The following PTPRG variants were observed in gnomAD, a reference collection of about 807,000 sequenced individuals.
PTPRG encodes protein tyrosine phosphatase receptor type G.
In PTPRG, 102 loss-of-function variants were observed where a neutral mutation model predicts 165.3. The ratio of observed to expected loss-of-function variants is 0.62; its 90% CI spans 0.53 to 0.73. The LOEUF (loss-of-function observed/expected upper bound fraction) is 0.73, where lower values mean the gene tolerates loss of function less well. Among genes scored for constraint, PTPRG ranks in the 30% least tolerant of loss-of-function variants. The probability of loss-of-function intolerance (pLI) is 0.00; values close to 1 mark genes in which losing one functional copy is unlikely to be tolerated. For synonymous variants in PTPRG, 675 were observed against 669.5 expected (o/e 1.01, Z -0.13); for missense variants, 1,866 against 1,861.4 (o/e 1.00, Z -0.05).
At chr3:61,830,700 G>A (rs59316317) in intron 2 of PTPRG, among the ~76,000 whole-genome samples, 6,222 of 149,396 alleles carry the variant, frequency 0.042, 411 homozygotes, top group African/African-American at 0.14. Context: ...TCAGCCTCCC[G>A]AGTAGCTGGG....
At chr3:62,160,105 TAC>T (rs1704691567) in intron 7 of PTPRG, among the ~76,000 whole-genome samples, 1 of 152,352 alleles carries the variant, frequency 6.6e-6, no homozygotes, top group Admixed American at 6.5e-5. Context: ...TCTACTTCTC[TAC>T]AGTCTCTGTA....
chr3:61,563,165 TTTCGGCGGCC>T (rs1559504314), intron 1 of PTPRG, among the ~76,000 whole-genome samples: 5 of 149,470 alleles, frequency 3.3e-5, no homozygotes, highest in Non-Finnish European at 6.0e-5. Context: ...GCCGGGGCGG[TTTCGGCGGCC>T]GGGTTGCTGT....
intron 8 of PTPRG, among the ~76,000 whole-genome samples, chr3:62,171,530 T>C (rs1705215238): frequency 6.6e-6 from 1 of 152,222 alleles, no homozygotes; most frequent in Non-Finnish European, 1.5e-5. Context: ...AATATTTTCA[T>C]CGCCACAGAA....
intron 2 of PTPRG, among the ~76,000 whole-genome samples, chr3:61,941,569 G>A (rs1010736407): frequency 6.6e-6 from 1 of 152,172 alleles, no homozygotes; most frequent in African/African-American, 2.4e-5. Flanking sequence ...GTTGCAGTGA[G>A]CCGAGAGCGC....
intron 1 of PTPRG, among the ~76,000 whole-genome samples, chr3:61,706,491 AT>A (rs386355972): frequency 0.024 from 3,269 of 137,616 alleles, 77 homozygotes; most frequent in African/African-American, 0.067. Flanking sequence ...TGTGCAAGTA[AT>A]TTTTTTTTTT....
At chr3:62,166,712 C>G (rs1412653844) in intron 7 of PTPRG, among the ~76,000 whole-genome samples, 1 of 152,016 alleles carries the variant, frequency 6.6e-6, no homozygotes, top group Non-Finnish European at 1.5e-5. Flanking sequence ...GTTTTTGAGA[C>G]AGGGTCTCAC....
intron 3 of PTPRG, among the ~76,000 whole-genome samples, chr3:61,997,928 C>T (rs1391259965): frequency 6.6e-6 from 1 of 152,178 alleles, no homozygotes; most frequent in Admixed American, 6.5e-5. Flanking sequence ...GGGATCCCAT[C>T]ATTAGGGTCC....
At chr3:62,243,786 G>A (rs1576172718) in intron 14 of PTPRG, 21 bp from the exon 15 acceptor site, 2 of 1,455,666 alleles carry the variant, frequency 1.4e-6, no homozygotes, top group Admixed American at 1.8e-5. Flanking sequence ...TTATTGACAT[G>A]TTTTTCTCTT....
intron 8 of PTPRG, among the ~76,000 whole-genome samples, chr3:62,178,136 A>AGGATGGATGGAT (rs66547961): frequency 3.4e-3 from 478 of 141,632 alleles, no homozygotes; most frequent in East Asian, 8.8e-3. Flanking sequence ...AATGGATGGG[A>AGGATGGATGGAT]GGATGGATGG....
intron 2 of PTPRG, among the ~76,000 whole-genome samples, chr3:61,761,492 C>A (rs1028376066): frequency 1.3e-5 from 2 of 152,134 alleles, no homozygotes; most frequent in Non-Finnish European, 2.9e-5. Flanking sequence ...GCAGGAGAAT[C>A]GCTTGAACCC....
intron 4 of PTPRG, among the ~76,000 whole-genome samples, chr3:62,045,694 A>G (rs1700267767): frequency 6.6e-6 from 1 of 152,218 alleles, no homozygotes; most frequent in Non-Finnish European, 1.5e-5. Context: ...CATTACCTTG[A>G]ATAAAATGTG....
chr3:61,730,964 T>A (rs773771883), intron 1 of PTPRG, among the ~76,000 whole-genome samples: 1 of 152,236 alleles, frequency 6.6e-6, no homozygotes, highest in African/African-American at 2.4e-5. Flanking sequence ...GAAATTGTCC[T>A]ATTTTCTGTA....
At chr3:61,768,195 T>G (rs2034095494) in intron 2 of PTPRG, among the ~76,000 whole-genome samples, 1 of 152,206 alleles carries the variant, frequency 6.6e-6, no homozygotes, top group Non-Finnish European at 1.5e-5. Context: ...AAAAAGCCAC[T>G]AGACCCACCA....
chr3:61,578,475 T>C (rs1417455258), intron 1 of PTPRG, among the ~76,000 whole-genome samples: 3 of 152,152 alleles, frequency 2.0e-5, no homozygotes, highest in East Asian at 1.9e-4. Flanking sequence ...ACCAGTTGGA[T>C]TGGGTGGTGG....
At chr3:62,091,711 G>A (rs187147717) in intron 5 of PTPRG, among the ~76,000 whole-genome samples, 198 of 152,264 alleles carry the variant, frequency 1.3e-3, no homozygotes, top group Non-Finnish European at 1.4e-3. Context: ...GGATGTGATC[G>A]TTGGAGATTT....
Position 61,691,707 on chromosome 3 carries a change from A to G in PTPRG, c.86-57171A>G, listed in dbSNP as rs72878414. Among the ~76,000 whole-genome samples the G allele has an allele frequency of 1.9e-3, 286 of 152,334 alleles. 2 individuals carry two copies. Among genetic ancestry groups the G allele is most frequent in the African/African-American group, 6.6e-3 (276 of 41,578 alleles). ...ATAAACAAATTTTGGAAAATATCCC[A>G]GCAACGTTAGTAATGCAACAGTGCT... On this transcript the variant is annotated intron_variant, in intron 1 of 29. Transcript: ENST00000474889.
intron 1 of PTPRG, among the ~76,000 whole-genome samples, chr3:61,687,692 C>A (rs1344636045): frequency 6.6e-6 from 1 of 152,156 alleles, no homozygotes; most frequent in Non-Finnish European, 1.5e-5. Flanking sequence ...TCATGGAAAT[C>A]TTTTTATTAA....
At chr3:62,215,167 T>C (rs1369550130) in intron 12 of PTPRG, among the ~76,000 whole-genome samples, 2 of 152,116 alleles carry the variant, frequency 1.3e-5, no homozygotes, top group African/African-American at 4.8e-5. Context: ...CACTCAGGGG[T>C]ATCCTGAGGG....
At chr3:62,253,674 C>T (rs754966767) in intron 15 of PTPRG, among the ~76,000 whole-genome samples, 3 of 152,240 alleles carry the variant, frequency 2.0e-5, no homozygotes, top group South Asian at 4.1e-4. Context: ...ATTTTGGCTC[C>T]GCTTACTCTG....
Sources: gnomAD v4.1 joint callset for allele counts (sites outside exome capture counted in the v4.1 genomes callset) on GRCh38, gnomAD v4.1.1 for gene constraint, MANE v1.5 for transcripts, NCBI Gene and HGNC (gene_info 2026-07-23, HGNC 2026-07-21) for gene names.